The following OR14A16 variants were observed in gnomAD, a reference collection of about 807,000 sequenced individuals.
OR14A16 encodes olfactory receptor 14A16.
For missense variants in OR14A16, 341 were observed against 366.5 expected (o/e 0.93, Z 0.57); for synonymous variants, 135 against 137.6 (o/e 0.98, Z 0.13).
chr1:247,814,941 A>G lies in OR14A16; in HGVS notation c.789T>C (p.Ser263=), dbSNP rs1662578427. 1 of 1,613,884 alleles carries G rather than the reference A, an allele frequency of 6.2e-7. No homozygotes were observed. Among genetic ancestry groups the G allele is most frequent in the Admixed American group, 1.7e-5 (1 of 59,990 alleles). Residue 263 remains serine (S), a synonymous_variant, in exon 3 of 3, where the codon TCT becomes TCC. Transcript: ENST00000641093. ...FIAYLKPASE[S]PSILDAVISV... is the part of the protein sequence containing the mutation. ...AAATTACAGCATCCAAAATAGAAGG[A>G]GACTCTGAAGCTGGCTTCAGATAAG...
chr1:247,820,363 T>C (rs1662709805), intron 1 of OR14A16, among the ~76,000 whole-genome samples: 1 of 152,182 alleles, frequency 6.6e-6, no homozygotes. Flanking sequence ...TGGGTGTTTT[T>C]GTTGTTGCTG....
chr1:247,814,845 C>G lies in OR14A16; in HGVS notation c.885G>C (p.Lys295Asn). The change falls in exon 3 of 3, where the codon AAG (lysine) becomes AAC (asparagine). Residue 295 changes from lysine to asparagine, a missense_variant. By Grantham distance (94) the Lys-to-Asn change is moderately conservative. Transcript: ENST00000641093. ...IIYSLRNKAI[K>N]VALGMLIKGK... ...CCTTTATCAACATCCCCAGAGCCAC[C>G]TTTATGGCCTTGTTTCTCAAACTGT... is the stretch of plus-strand genomic sequence containing the variant. 1 of 1,600,474 alleles carries G rather than the reference C, an allele frequency of 6.2e-7. No individual in the cohort carries two copies. The highest frequency in any genetic ancestry group is 1.3e-5 in the African/African-American group (1 of 74,228).
intron 1 of OR14A16, among the ~76,000 whole-genome samples, chr1:247,821,156 T>C (rs1194436972): frequency 6.6e-6 from 1 of 152,250 alleles, no homozygotes; most frequent in Non-Finnish European, 1.5e-5. Flanking sequence ...CTTAAACTTG[T>C]TAAAAATCAC....
Position 247,814,764 on chromosome 1 carries a change from T to C in OR14A16, c.*36A>G, listed in dbSNP as rs1310001157. The stretch of plus-strand genomic sequence containing the variant: ...AGAATTAATGTGTGTACATTATAAA[T>C]GGTATCTATTATTGAAAGAAGAAAA... On this transcript the variant is annotated 3_prime_UTR_variant, in exon 3 of 3. Coordinates refer to ENST00000641093, the MANE Select transcript of OR14A16 (RefSeq NM_001001966.2). 12 of 1,140,312 alleles carry C rather than the reference T, an allele frequency of 1.1e-5. No individual in the cohort carries two copies. Among genetic ancestry groups the C allele is most frequent in the Non-Finnish European group, 1.5e-5 (12 of 807,760 alleles). 70.6% of individuals were successfully genotyped at this position (1,140,312 alleles called of 1,614,324 possible). A position where few individuals can be genotyped will look rare whatever the true frequency, so the allele number is the denominator to read the frequency against.
chr1:247,816,477 A>G (rs10788724), intron 2 of OR14A16, among the ~76,000 whole-genome samples: 125,698 of 152,220 alleles, frequency 0.83, 54,001 homozygotes, highest in East Asian at 1. Context: ...CTGTAATCCC[A>G]GCACTTTGAG....
chr1:247,817,366 G>A (rs1662643018), intron 2 of OR14A16, among the ~76,000 whole-genome samples: 1 of 152,106 alleles, frequency 6.6e-6, no homozygotes, highest in African/African-American at 2.4e-5. Context: ...TAAATGTTAG[G>A]ATTTATTCCA....
chr1:247,815,125 A>G lies in OR14A16; in HGVS notation c.605T>C (p.Val202Ala). Residue 202 changes from valine to alanine, a missense_variant, in exon 3 of 3, where the codon GTA (valine) becomes GCA (alanine). Physicochemically the swap from Val to Ala is moderately conservative, Grantham distance 64. Transcript: ENST00000641093. ...AATAAAACAGCAGAAATCCAAAACT[A>G]CATTAATAAGGATGAGTGCAATTTC... ...IREIALILIN[V>A]VLDFCCFIVI... The G allele has an allele frequency of 6.2e-7, 1 of 1,613,276 alleles. No individual in the cohort carries two copies. Among genetic ancestry groups the G allele is most frequent in the Non-Finnish European group, 8.5e-7 (1 of 1,179,232 alleles).
chr1:247,814,936 G>C lies in OR14A16; in HGVS notation c.794C>G (p.Ser265Cys). 1 of 1,613,868 alleles carries C rather than the reference G, an allele frequency of 6.2e-7. No homozygotes were observed. Among genetic ancestry groups the C allele is most frequent in the East Asian group, 2.2e-5 (1 of 44,832 alleles). ...CACAGAAATTACAGCATCCAAAATAGAAGGAGACTCTGAAGCTGGCTTCAG... is the reference window on the plus strand; with the variant it reads ...CACAGAAATTACAGCATCCAAAATACAAGGAGACTCTGAAGCTGGCTTCAG... Reference protein sequence around the residue: ...AYLKPASESPSILDAVISVFY... With the variant: ...AYLKPASESPCILDAVISVFY... Residue 265 changes from serine (S) to cysteine (C), a missense_variant, in exon 3 of 3, where the codon TCT becomes TGT. Coordinates refer to ENST00000641093, the MANE Select transcript of OR14A16 (RefSeq NM_001001966.2).
At chr1:247,818,588 T>C (rs941691357) in intron 2 of OR14A16, among the ~76,000 whole-genome samples, 1 of 152,200 alleles carries the variant, frequency 6.6e-6, no homozygotes, top group East Asian at 1.9e-4. Flanking sequence ...TTATGTTAAG[T>C]AAAATAAGCC....
intron 2 of OR14A16, among the ~76,000 whole-genome samples, chr1:247,817,409 T>A (rs1407366752): frequency 1.3e-5 from 2 of 152,218 alleles, no homozygotes; most frequent in Admixed American, 6.5e-5. Context: ...GAGTGGTTTT[T>A]AAAAAATCAT....
intron 1 of OR14A16, among the ~76,000 whole-genome samples, chr1:247,820,718 A>T (rs1662719933): frequency 6.6e-6 from 1 of 151,794 alleles, no homozygotes; most frequent in Admixed American, 6.6e-5. Flanking sequence ...CAATTACCCA[A>T]GCGTGGTGGT....
In OR14A16 at chr1:247,822,324, G is replaced by C. The variant is rs1056215088; in HGVS notation, c.-131+1629C>G. ...GGTGTGTGTGTGTGGCGGGGGGGGAGGGTGGGGATGCTGGCGAAAACTAAC... is the reference window on the plus strand; with the variant it reads ...GGTGTGTGTGTGTGGCGGGGGGGGACGGTGGGGATGCTGGCGAAAACTAAC... On this transcript the variant is annotated intron_variant, in intron 1 of 2. Transcript: ENST00000641093. 1.7e-3 allele frequency among the ~76,000 whole-genome samples: 12 copies of C among 7,054 alleles called. 2 individuals carry two copies. Among genetic ancestry groups the C allele is most frequent in the South Asian group, 0.024 (2 of 82 alleles). The allele number at this position is 7,054 out of a possible 152,430, so 4.6% of individuals were successfully genotyped here.
chr1:247,815,565 G>T lies in OR14A16; in HGVS notation c.165C>A (p.Thr55=). 1 of 1,614,050 alleles carries T rather than the reference G, an allele frequency of 6.2e-7. No homozygotes were observed. Among genetic ancestry groups the T allele is most frequent in the Non-Finnish European group, 8.5e-7 (1 of 1,179,946 alleles). Residue 55 remains threonine, a synonymous_variant, in exon 3 of 3, where the codon ACC becomes ACA. Transcript: ENST00000641093. ...GATTCTTCAAGAAGAAATACACGGG[G>T]GTGTGGAGATGATGGTCCAAAGTTG... The part of the protein sequence containing the change: ...MITTLDHHLH[T]PVYFFLKNLS...
At position 247,815,570 on chromosome 1, in the gene OR14A16, G is replaced by C; in HGVS notation, c.160C>G (p.His54Asp). The change falls in exon 3 of 3, where the codon CAC becomes GAC. Residue 54 changes from histidine (H) to aspartate (D), a missense_variant. Transcript: ENST00000641093. Reference protein sequence around the residue: ...IMITTLDHHLHTPVYFFLKNL... With the variant: ...IMITTLDHHLDTPVYFFLKNL... Reference sequence around the variant, plus strand: ...TTCAAGAAGAAATACACGGGGGTGTGGAGATGATGGTCCAAAGTTGTGATC... The same window carrying C: ...TTCAAGAAGAAATACACGGGGGTGTCGAGATGATGGTCCAAAGTTGTGATC... 6.2e-7 allele frequency: 1 copy of C among 1,614,074 alleles called. No homozygotes were observed. Among genetic ancestry groups the C allele is most frequent in the Non-Finnish European group, 8.5e-7 (1 of 1,179,948 alleles).
In OR14A16 at chr1:247,814,884, A is replaced by G. The variant is rs745514067; in HGVS notation, c.846T>C (p.Phe282=). The G allele has an allele frequency of 1.9e-6, 3 of 1,613,882 alleles. No homozygotes were observed. The highest frequency in any genetic ancestry group is 2.5e-6 in the Non-Finnish European group (3 of 1,179,920). Residue 282 remains phenylalanine (F), a synonymous_variant, in exon 3 of 3, where the codon TTT becomes TTC. Coordinates refer to ENST00000641093, the MANE Select transcript of OR14A16 (RefSeq NM_001001966.2). ...SVFYTMLPPT[F]NPIIYSLRNK... The stretch of plus-strand genomic sequence containing the variant: ...TTCTCAAACTGTATATAATGGGATT[A>G]AAGGTTGGGGGCAGCATAGTGTAGA...
intron 1 of OR14A16, among the ~76,000 whole-genome samples, chr1:247,820,651 G>A (rs565233101): frequency 6.6e-6 from 1 of 151,280 alleles, no homozygotes; most frequent in Admixed American, 6.6e-5. Context: ...TTCGAGTCCA[G>A]CCTGACTAAT....
At chr1:247,821,318 A>G (rs1355723373) in intron 1 of OR14A16, among the ~76,000 whole-genome samples, 1 of 152,228 alleles carries the variant, frequency 6.6e-6, no homozygotes, top group East Asian at 1.9e-4. Context: ...TTGTTGATTG[A>G]CTGCTGGATG....
At chr1:247,816,911 C>G (rs1662632143) in intron 2 of OR14A16, among the ~76,000 whole-genome samples, 1 of 152,104 alleles carries the variant, frequency 6.6e-6, no homozygotes, top group South Asian at 2.1e-4. Context: ...AATGCGTGAC[C>G]TTGCATATCA....
At chr1:247,821,277 T>A (rs1446352662) in intron 1 of OR14A16, among the ~76,000 whole-genome samples, 1 of 152,244 alleles carries the variant, frequency 6.6e-6, no homozygotes, top group Non-Finnish European at 1.5e-5. Flanking sequence ...GTTAGGTCCA[T>A]CTGGTCTAAA....
Sources: gnomAD v4.1 joint callset for allele counts (sites outside exome capture counted in the v4.1 genomes callset) on GRCh38, gnomAD v4.1.1 for gene constraint, MANE v1.5 for transcripts, NCBI Gene and HGNC (gene_info 2026-07-23, HGNC 2026-07-21) for gene names.